Variants in BAHCC1 observed in about 807,000 individuals in gnomAD.
BAHCC1 encodes the protein BAH and coiled-coil domain-containing protein 1.
Under a neutral mutation model 88.2 loss-of-function variants are expected in BAHCC1, and 43 were observed. That is an observed-to-expected ratio of 0.49 (90% CI 0.38 to 0.63). The LOEUF is 0.63. BAHCC1 is among the 20% of genes least tolerant of loss of function. BAHCC1 has a pLI of 0.00. For missense variants in BAHCC1, 3,023 were observed against 1,654.8 expected, an observed-to-expected ratio of 1.83 and a Z score of -14.34; for synonymous variants, 1,510 against 745.5, an observed-to-expected ratio of 2.03 and a Z score of -16.71.
At chr17:81,401,475 C>G (rs552281737) in intron 2 of BAHCC1, 1 of 152,730 alleles carries the variant, frequency 6.5e-6, no homozygotes, top group Non-Finnish European at 1.5e-5. Flanking sequence ...TTAAAAATAT[C>G]TCTTCTGCTG....
chr17:81,402,993 T>C (rs2063835594), intron 2 of BAHCC1: 1 of 152,246 alleles, frequency 6.6e-6, no homozygotes, highest in African/African-American at 2.4e-5. Flanking sequence ...TTTAGTTCAG[T>C]GTTAGATTTT....
At position 81,459,285 on chromosome 17, in the gene BAHCC1, A is replaced by G. The variant is rs560941851; in HGVS notation, c.5753A>G (p.Asn1918Ser). The G allele has an allele frequency of 5.9e-5, 46 of 779,450 alleles. No homozygotes were observed. In the Admixed American group the frequency reaches 6.6e-4, roughly 11 times the overall value. 48.3% of individuals were successfully genotyped at this position (779,450 alleles called of 1,614,324 possible). Residue 1918 changes from asparagine (N) to serine (S), a missense_variant, in exon 22 of 28, where the codon AAC becomes AGC. Asn to Ser is a conservative substitution (Grantham distance 46). Transcript: ENST00000675386. ...YSIVIEGERG[N>S]RQRIYSLEQL... The stretch of plus-strand genomic sequence containing the variant: ...ATCGTCATCGAGGGCGAGAGGGGCA[A>G]CCGGCAGAGGATCTACTCACTGGAG...
At chr17:81,406,193 G>A (rs868958926) in intron 2 of BAHCC1, among the ~76,000 whole-genome samples, 4 of 152,208 alleles carry the variant, frequency 2.6e-5, no homozygotes, top group Non-Finnish European at 4.4e-5. Flanking sequence ...AGGCAGGCTC[G>A]TCCTGGCCTG....
rs1243157717 is a variant in BAHCC1 at position 81,395,517 on chromosome 17, A to C, written c.-325A>C. On this transcript the variant is annotated 5_prime_UTR_variant, in exon 1 of 28. Coordinates refer to ENST00000675386, the MANE Select transcript of BAHCC1 (RefSeq NM_001377448.1). ...GGCTCGCTAGAGTCGTTGTTGTGGA[A>C]GCGGTGCATTTACAGTGCAACAGTC... 1 of 152,250 alleles carries C rather than the reference A, an allele frequency of 6.6e-6. No homozygotes were observed. Among genetic ancestry groups the C allele is most frequent in the East Asian group, 1.9e-4 (1 of 5,192 alleles). The allele number at this position is 152,250 out of a possible 1,614,324, so 9.4% of individuals were successfully genotyped here. A position where few individuals can be genotyped will look rare whatever the true frequency, so the allele number is the denominator to read the frequency against.
chr17:81,404,446 C>T (rs1372166913), intron 2 of BAHCC1, among the ~76,000 whole-genome samples: 1 of 152,186 alleles, frequency 6.6e-6, no homozygotes, highest in African/African-American at 2.4e-5. Context: ...TTGCCCTGGC[C>T]TGGGCCAGAG....
At chr17:81,450,117 G>A (rs2064606290) in intron 11 of BAHCC1, among the ~76,000 whole-genome samples, 1 of 152,174 alleles carries the variant, frequency 6.6e-6, no homozygotes, top group South Asian at 2.1e-4. Flanking sequence ...TAGGTTTGGG[G>A]TGCTCGTTGC....
In BAHCC1 at chr17:81,460,954, C is replaced by G. The variant is rs781919480; in HGVS notation, c.6291C>G (p.Ser2097Arg). The G allele has an allele frequency of 2.6e-6, 2 of 771,830 alleles. No individual in the cohort carries two copies. The highest frequency in any genetic ancestry group is 3.4e-5 in the African/African-American group (2 of 59,152). The allele number at this position is 771,830 out of a possible 1,614,324, so 47.8% of individuals were successfully genotyped here. The change falls in exon 26 of 28, where the codon AGC becomes AGG. Residue 2097 changes from serine to arginine, a missense_variant. Physicochemically the swap from Ser to Arg is moderately radical, Grantham distance 110. Coordinates refer to ENST00000675386, the MANE Select transcript of BAHCC1 (RefSeq NM_001377448.1). Reference sequence around the variant, plus strand: ...GCCGCCGTGGCAGCCCCTTGCTGAGCTGGTCCGCGGTGGCGCAGACCAAGC... The same window carrying G: ...GCCGCCGTGGCAGCCCCTTGCTGAGGTGGTCCGCGGTGGCGCAGACCAAGC... ...FLGRRGSPLL[S>R]WSAVAQTKRK...
Position 81,466,085 on chromosome 17 carries a change from T to TC in BAHCC1, c.*2269dup. 6.6e-6 allele frequency: 1 copy of TC among 152,484 alleles called. No individual in the cohort carries two copies. The highest frequency in any genetic ancestry group is 1.9e-4 in the East Asian group (1 of 5,186). The allele number at this position is 152,484 out of a possible 1,614,324, so 9.4% of individuals were successfully genotyped here. A position where few individuals can be genotyped will look rare whatever the true frequency, so the allele number is the denominator to read the frequency against. On this transcript the variant is annotated 3_prime_UTR_variant, in exon 28 of 28. Transcript: ENST00000675386. ...TGTCCCTGGTTTTTTCCTTTCTTTT[T>TC]CTGTGTGCGTGCGAATGGTGCGGCC...
intron 2 of BAHCC1, among the ~76,000 whole-genome samples, chr17:81,418,810 C>CATGTGTGTGTGTGTACGT (rs1555649155): frequency 1.4e-5 from 2 of 146,332 alleles, no homozygotes; most frequent in Non-Finnish European, 3.0e-5. Flanking sequence ...TGTGTGTGTA[C>CATGTGTGTGTGTGTACGT]GTGTGTGTGT....
At position 81,458,613 on chromosome 17, in the gene BAHCC1, A is replaced by G. The variant is rs1310717527; in HGVS notation, c.5344-8A>G. 1.4e-6 allele frequency: 1 copy of G among 713,444 alleles called. No individual in the cohort carries two copies. The highest frequency in any genetic ancestry group is 2.6e-6 in the Non-Finnish European group (1 of 384,044). The allele number at this position is 713,444 out of a possible 1,614,324, so 44.2% of individuals were successfully genotyped here. On this transcript the variant is annotated splice_region_variant and splice_polypyrimidine_tract_variant and intron_variant, in intron 18 of 27. Transcript: ENST00000675386. Reference sequence around the variant, plus strand: ...GACTCAGCCCCTTCTCTGCCTGCCCACGCGCAGCGGAAGAACGGGGCCCTG... The same window carrying G: ...GACTCAGCCCCTTCTCTGCCTGCCCGCGCGCAGCGGAAGAACGGGGCCCTG...
At chr17:81,401,515 C>T (rs66643547) in intron 2 of BAHCC1, 40,924 of 152,696 alleles carry the variant, frequency 0.27, 6,656 homozygotes, top group Middle Eastern at 0.38. Flanking sequence ...TGTCTTCCTG[C>T]CCCTGCATGG....
At chr17:81,455,166 G>A in intron 14 of BAHCC1, 101 bp from the exon 15 acceptor site, 1 of 646,894 alleles carries the variant, frequency 1.5e-6, no homozygotes, top group East Asian at 2.7e-5. Flanking sequence ...GCCCTTGGAG[G>A]AGGGTGACCC....
In BAHCC1 at chr17:81,445,561, C is replaced by G. The variant is rs781993886; in HGVS notation, c.3043C>G (p.Pro1015Ala). Residue 1015 changes from proline (P) to alanine (A), a missense_variant, in exon 10 of 28, where the codon CCG (proline) becomes GCG (alanine). By Grantham distance (27) the Pro-to-Ala change is conservative. Transcript: ENST00000675386. ...SPTPPPRPSA[P>A]CTLNVCPASS... Reference sequence around the variant, plus strand: ...CACCCCACCACCTCGGCCCAGCGCCCCGTGCACTTTAAATGTCTGCCCTGC... The same window carrying G: ...CACCCCACCACCTCGGCCCAGCGCCGCGTGCACTTTAAATGTCTGCCCTGC... 1 of 723,996 alleles carries G rather than the reference C, an allele frequency of 1.4e-6. No homozygotes were observed. The highest frequency in any genetic ancestry group is 2.6e-6 in the Non-Finnish European group (1 of 389,824). 44.8% of individuals were successfully genotyped at this position (723,996 alleles called of 1,614,324 possible).
rs1555656952 is a variant in BAHCC1, at chr17:81,455,250, C to T, written c.4446-17C>T. On this transcript the variant is annotated splice_polypyrimidine_tract_variant and intron_variant, in intron 14 of 27. Transcript: ENST00000675386. ...CGGGCCTGCATCTGCCCTGCACCCA[C>T]CACCCCATGCCCCCAGGGCGGTGCG... is the stretch of plus-strand genomic sequence containing the variant. 1.4e-6 allele frequency: 1 copy of T among 712,840 alleles called. No homozygotes were observed. Among genetic ancestry groups the T allele is most frequent in the Admixed American group, 2.0e-5 (1 of 49,988 alleles). The allele number at this position is 712,840 out of a possible 1,614,324, so 44.2% of individuals were successfully genotyped here. A position where few individuals can be genotyped will look rare whatever the true frequency, so the allele number is the denominator to read the frequency against.
rs782528927 is a variant in BAHCC1, at chr17:81,442,282, C to T, written c.933C>T (p.Gly311=). The T allele has an allele frequency of 1.4e-5, 9 of 624,902 alleles. No individual in the cohort carries two copies. Among genetic ancestry groups the T allele is most frequent in the African/African-American group, 9.4e-5 (5 of 52,960 alleles). The allele number at this position is 624,902 out of a possible 1,614,324, so 38.7% of individuals were successfully genotyped here. The change falls in exon 5 of 28, where the codon GGC becomes GGT. Residue 311 remains glycine (G), a synonymous_variant. Coordinates refer to ENST00000675386, the MANE Select transcript of BAHCC1 (RefSeq NM_001377448.1). ...CAGGGGGCATGCTGGGGCGGCCTGGCACGGGGGTGGTGACCTCCGGGCGCT... is the reference window on the plus strand; with the variant it reads ...CAGGGGGCATGCTGGGGCGGCCTGGTACGGGGGTGGTGACCTCCGGGCGCT... The part of the protein sequence containing the change: ...SCAGGMLGRP[G]TGVVTSGRCA...
intron 2 of BAHCC1, among the ~76,000 whole-genome samples, chr17:81,406,019 T>G (rs1430161812): frequency 6.6e-6 from 1 of 151,934 alleles, no homozygotes; most frequent in Non-Finnish European, 1.5e-5. Context: ...GCCTAGGGAG[T>G]CCCTCGAGAA....
chr17:81,395,818 C>G lies in BAHCC1; in HGVS notation c.-207+183C>G, dbSNP rs1341781394. ...TTAAAATGTTGAGGCTTTTTTTTTT[C>G]TTAAAAAATATGGACTATGAGCGAT... On this transcript the variant is annotated intron_variant, in intron 1 of 27. Coordinates refer to ENST00000675386, the MANE Select transcript of BAHCC1 (RefSeq NM_001377448.1). 3 of 111,426 alleles carry G rather than the reference C, an allele frequency of 2.7e-5. No individual in the cohort carries two copies. In the Admixed American group the frequency reaches 2.7e-4, roughly 10 times the overall value. The allele number at this position is 111,426 out of a possible 1,614,324, so 6.9% of individuals were successfully genotyped here.
At position 81,443,219 on chromosome 17, in the gene BAHCC1, C is replaced by T. The variant is rs782467750; in HGVS notation, c.1870C>T (p.Pro624Ser). ...QQAALLPQEL[P>S]APPDEVSAMK... ...GGCGGCTCTTCTGCCCCAGGAACTG[C>T]CTGCGCCGCCGGACGAGGTCTCAGC... Residue 624 changes from proline to serine, a missense_variant, in exon 5 of 28, where the codon CCT becomes TCT. Transcript: ENST00000675386. The T allele has an allele frequency of 1.8e-5, 14 of 779,396 alleles. No individual in the cohort carries two copies. In the South Asian group the frequency reaches 1.9e-4, roughly 10 times the overall value. The allele number at this position is 779,396 out of a possible 1,614,324, so 48.3% of individuals were successfully genotyped here.
intron 11 of BAHCC1, among the ~76,000 whole-genome samples, chr17:81,450,299 C>T (rs947511661): frequency 6.6e-6 from 1 of 152,086 alleles, no homozygotes; most frequent in Non-Finnish European, 1.5e-5. Context: ...CCATGGGGAC[C>T]CCGTTCCTGG....
Sources: allele counts gnomAD v4.1 joint callset (sites outside exome capture counted in the v4.1 genomes callset), GRCh38; gene constraint gnomAD v4.1.1; transcripts MANE v1.5; gene names NCBI Gene and HGNC (gene_info 2026-07-23, HGNC 2026-07-21).